The following ASPH variants were observed in gnomAD, a reference collection of about 807,000 sequenced individuals.
The protein encoded by ASPH is aspartate beta-hydroxylase.
A neutral mutation model predicts 118.4 loss-of-function variants in ASPH; 100 were observed. That is an observed-to-expected ratio of 0.84 (90% CI 0.72 to 1.00). The LOEUF is 1.00. Among genes scored for constraint, ASPH ranks in the 50% least tolerant of loss-of-function variants. ASPH has a pLI of 0.00. For missense variants in ASPH, 920 were observed against 919.5 expected (o/e 1.00, Z -0.01); for synonymous variants, 315 against 325.6 (o/e 0.97, Z 0.35).
chr8:61,672,404 A>G (rs1190013589), intron 3 of ASPH, among the ~76,000 whole-genome samples: 1 of 152,170 alleles, frequency 6.6e-6, no homozygotes, highest in Non-Finnish European at 1.5e-5. Flanking sequence ...CAAATTGGAG[A>G]TTGGAAAGGT....
At chr8:61,595,154 A>G (rs1842181022) in intron 14 of ASPH, among the ~76,000 whole-genome samples, 2 of 152,342 alleles carry the variant, frequency 1.3e-5, no homozygotes, top group South Asian at 4.1e-4. Flanking sequence ...TCCATATGCT[A>G]TAAGAATGAA....
At chr8:61,677,112 C>T (rs1208760890) in intron 3 of ASPH, among the ~76,000 whole-genome samples, 1 of 152,088 alleles carries the variant, frequency 6.6e-6, no homozygotes, top group Non-Finnish European at 1.5e-5. Flanking sequence ...TGGTCACTTG[C>T]AATAGGAACA....
chr8:61,511,550 A>G (rs1808820829), intron 24 of ASPH, among the ~76,000 whole-genome samples: 1 of 152,150 alleles, frequency 6.6e-6, no homozygotes, highest in Non-Finnish European at 1.5e-5. Context: ...CTTGCTGGGG[A>G]CATGTTTATC....
At chr8:61,705,121 A>G (rs1484139957) in intron 1 of ASPH, among the ~76,000 whole-genome samples, 1 of 152,204 alleles carries the variant, frequency 6.6e-6, no homozygotes, top group Non-Finnish European at 1.5e-5. Context: ...GCTGGAGGCC[A>G]CTATCCTAAG....
chr8:61,594,080 A>G (rs948539518), intron 14 of ASPH, among the ~76,000 whole-genome samples: 3 of 152,218 alleles, frequency 2.0e-5, no homozygotes, highest in South Asian at 2.1e-4. Flanking sequence ...CCCAGCTCCA[A>G]TAGCACTGCA....
chr8:61,584,908 G>T (rs1020184947), intron 14 of ASPH, among the ~76,000 whole-genome samples: 1 of 152,018 alleles, frequency 6.6e-6, no homozygotes, highest in East Asian at 1.9e-4. Flanking sequence ...TCAAAACCAC[G>T]CTCCTTATAA....
At chr8:61,577,399 C>CAAAAGAA (rs1835606068) in intron 15 of ASPH, among the ~76,000 whole-genome samples, 1 of 23,290 alleles carries the variant, frequency 4.3e-5, no homozygotes, top group Admixed American at 6.9e-4. Flanking sequence ...CCCAATCTCG[C>CAAAAGAA]AAAAAAAAAA....
At chr8:61,541,343 AAC>A (rs1449980475) in intron 21 of ASPH, among the ~76,000 whole-genome samples, 1 of 152,154 alleles carries the variant, frequency 6.6e-6, no homozygotes, top group Non-Finnish European at 1.5e-5. Flanking sequence ...CAGCCTGGGC[AAC>A]AGAGTGAGAC....
At chr8:61,695,677 C>T (rs1833762269) in intron 1 of ASPH, among the ~76,000 whole-genome samples, 1 of 152,212 alleles carries the variant, frequency 6.6e-6, no homozygotes, top group Non-Finnish European at 1.5e-5. Context: ...TAATCTCTTT[C>T]CACCTCCAGA....
At chr8:61,505,159 C>T (rs1259418597) in intron 24 of ASPH, among the ~76,000 whole-genome samples, 3 of 152,082 alleles carry the variant, frequency 2.0e-5, no homozygotes, top group African/African-American at 7.2e-5. Context: ...CAGGGGTTCC[C>T]GCTTTTGCAT....
chr8:61,703,758 G>A (rs1007426510), intron 1 of ASPH, among the ~76,000 whole-genome samples: 6 of 152,198 alleles, frequency 3.9e-5, no homozygotes, highest in Non-Finnish European at 5.9e-5. Context: ...TTCTGTGGAA[G>A]TTGACAAGGT....
intron 6 of ASPH, among the ~76,000 whole-genome samples, chr8:61,646,095 G>C (rs561572339): frequency 7.2e-5 from 11 of 152,286 alleles, no homozygotes; most frequent in African/African-American, 2.6e-4. Context: ...TGAGGTGAGA[G>C]GACTGCTTGA....
Position 61,677,376 on chromosome 8 carries a change from T to C in ASPH, c.322+3592A>G, listed in dbSNP as rs190851573. ...GGAGGAATAACAGGGTGGGGTGTTC[T>C]GACTGTAAGAAATGTGAACATCCAT... On this transcript the variant is annotated intron_variant, in intron 3 of 24. Coordinates refer to ENST00000379454, the MANE Select transcript of ASPH (RefSeq NM_004318.4). 3.0e-3 allele frequency among the ~76,000 whole-genome samples: 455 copies of C among 152,248 alleles called. 2 individuals carry two copies. Among genetic ancestry groups the C allele is most frequent in the Non-Finnish European group, 3.3e-3 (224 of 68,008 alleles).
At chr8:61,531,084 T>C (rs1047837814) in intron 21 of ASPH, among the ~76,000 whole-genome samples, 1 of 152,244 alleles carries the variant, frequency 6.6e-6, no homozygotes, top group African/African-American at 2.4e-5. Context: ...TCATGTCACA[T>C]GCAGCATTTT....
chr8:61,646,057 T>C (rs1205860544), intron 6 of ASPH, among the ~76,000 whole-genome samples: 2 of 152,200 alleles, frequency 1.3e-5, no homozygotes, highest in African/African-American at 2.4e-5. Context: ...TGGTAGCATA[T>C]GCCTGTGGTT....
intron 14 of ASPH, among the ~76,000 whole-genome samples, chr8:61,608,122 T>C (rs1846149842): frequency 6.6e-6 from 1 of 152,210 alleles, no homozygotes; most frequent in Non-Finnish European, 1.5e-5. Flanking sequence ...CAGTAGTAAC[T>C]GACGGCATCA....
chr8:61,711,460 T>C (rs1438783171), intron 1 of ASPH, among the ~76,000 whole-genome samples: 1 of 152,162 alleles, frequency 6.6e-6, no homozygotes, highest in African/African-American at 2.4e-5. Flanking sequence ...ATGTTTCTTT[T>C]ATATTATAAA....
chr8:61,550,844 C>A (rs1157720021), intron 20 of ASPH, among the ~76,000 whole-genome samples: 4 of 152,114 alleles, frequency 2.6e-5, no homozygotes, highest in African/African-American at 9.7e-5. Flanking sequence ...ACTGACTGAG[C>A]AAGAGGGAGG....
At chr8:61,579,866 T>TC in intron 15 of ASPH, among the ~76,000 whole-genome samples, 1 of 151,044 alleles carries the variant, frequency 6.6e-6, no homozygotes, top group African/African-American at 2.4e-5. Context: ...TTCAATTGCT[T>TC]TTTTTTGGTC....
Sources: allele counts gnomAD v4.1 joint callset (sites outside exome capture counted in the v4.1 genomes callset), GRCh38; gene constraint gnomAD v4.1.1; transcripts MANE v1.5; gene names NCBI Gene and HGNC (gene_info 2026-07-23, HGNC 2026-07-21).